SH3BGRL2: variants seen among roughly 807,000 people sequenced by gnomAD.
The protein encoded by SH3BGRL2 is SH3 domain-binding glutamic acid-rich-like protein 2.
In SH3BGRL2, 21 loss-of-function variants were observed where a neutral mutation model predicts 14.8. That is an observed-to-expected ratio of 1.42 (90% CI 1.01 to 2.05). The LOEUF is 2.05. Among genes scored for constraint, SH3BGRL2 ranks in the 30% most tolerant of loss-of-function variants. The probability of loss-of-function intolerance (pLI) is 0.00; values close to 1 mark genes in which losing one functional copy is unlikely to be tolerated. For missense variants in SH3BGRL2, 147 were observed against 130.8 expected, an observed-to-expected ratio of 1.12 and a Z score of -0.61; for synonymous variants, 50 against 47.8, an observed-to-expected ratio of 1.05 and a Z score of -0.19.
chr6:79,627,307 C>A (rs2127720329), upstream of SH3BGRL2, among the ~76,000 whole-genome samples: 1 of 152,292 alleles, frequency 6.6e-6, no homozygotes, highest in Non-Finnish European at 1.5e-5. Context: ...AAATTTCAAG[C>A]TGCAATAGGT....
intron 1 of SH3BGRL2, among the ~76,000 whole-genome samples, chr6:79,662,833 C>T (rs975687073): frequency 2.6e-5 from 4 of 152,212 alleles, no homozygotes; most frequent in East Asian, 3.9e-4. Context: ...TTCTTGGAGG[C>T]TTTGTTCATT....
chr6:79,619,169 G>T, the SH3BGRL2 span, among the ~76,000 whole-genome samples: 4 of 151,818 alleles, frequency 2.6e-5, no homozygotes, highest in East Asian at 7.8e-4. Context: ...ATTCATATCT[G>T]CTCCACCCTG....
the SH3BGRL2 span, among the ~76,000 whole-genome samples, chr6:79,617,199 G>A: frequency 3.5e-4 from 52 of 149,182 alleles, 1 homozygote; most frequent in South Asian, 8.3e-3. Flanking sequence ...ACAAAAAAAA[G>A]AAAAAAAAAA....
chr6:79,544,763 A>G, the SH3BGRL2 span, among the ~76,000 whole-genome samples: 6 of 152,194 alleles, frequency 3.9e-5, no homozygotes, highest in Non-Finnish European at 7.3e-5. Context: ...CTCAATATTT[A>G]CCATTTCCTG....
At chr6:79,541,321 G>A in the SH3BGRL2 span, among the ~76,000 whole-genome samples, 1 of 151,962 alleles carries the variant, frequency 6.6e-6, no homozygotes, top group Non-Finnish European at 1.5e-5. Context: ...TTCACTGTAT[G>A]TAAATTTTAC....
the SH3BGRL2 span, among the ~76,000 whole-genome samples, chr6:79,579,034 G>A: frequency 1.3e-5 from 2 of 152,192 alleles, no homozygotes; most frequent in African/African-American, 2.4e-5. Flanking sequence ...ATTCGATCAA[G>A]TGGAAGAAAG....
chr6:79,633,846 G>T (rs142383437), intron 1 of SH3BGRL2, among the ~76,000 whole-genome samples: 1 of 152,338 alleles, frequency 6.6e-6, no homozygotes, highest in African/African-American at 2.4e-5. Context: ...CTAAGAACCA[G>T]TGAGGATATT....
Position 79,701,241 on chromosome 6 carries a change from G to A in SH3BGRL2, c.*1732G>A, listed in dbSNP as rs557622133. On this transcript the variant is annotated 3_prime_UTR_variant, in exon 4 of 4. Coordinates refer to ENST00000369838, the MANE Select transcript of SH3BGRL2 (RefSeq NM_031469.4). ...TCAAATTCCATTTGACAAATCCCAG[G>A]GACTATCCAGGAATTTTTTTTTAAC... 5.3e-5 allele frequency: 8 copies of A among 152,166 alleles called. No homozygotes were observed. Among genetic ancestry groups the A allele is most frequent in the Admixed American group, 3.3e-4 (5 of 15,294 alleles). 9.4% of individuals were successfully genotyped at this position (152,166 alleles called of 1,614,324 possible). A position where few individuals can be genotyped will look rare whatever the true frequency, so the allele number is the denominator to read the frequency against.
At chr6:79,561,919 C>G in the SH3BGRL2 span, among the ~76,000 whole-genome samples, 1 of 152,056 alleles carries the variant, frequency 6.6e-6, no homozygotes, top group Non-Finnish European at 1.5e-5. Context: ...AGTTTTATGA[C>G]AAGTCATAGA....
chr6:79,564,747 A>G, the SH3BGRL2 span, among the ~76,000 whole-genome samples: 2 of 152,198 alleles, frequency 1.3e-5, no homozygotes, highest in Non-Finnish European at 2.9e-5. Flanking sequence ...AAAATGATAC[A>G]TTATGTATGA....
chr6:79,595,271 C>T, the SH3BGRL2 span, among the ~76,000 whole-genome samples: 3 of 150,362 alleles, frequency 2.0e-5, no homozygotes, highest in African/African-American at 7.3e-5. Flanking sequence ...GTGTGGGCAA[C>T]AAGAGAGAAA....
At chr6:79,627,071 A>C (rs373689030), upstream of SH3BGRL2, among the ~76,000 whole-genome samples, 139 of 151,504 alleles carry the variant, frequency 9.2e-4, no homozygotes, top group African/African-American at 3.2e-3. Flanking sequence ...CTACATAGTG[A>C]CTCTATTTCC....
chr6:79,538,373 CTTTGCACTG>C, the SH3BGRL2 span, among the ~76,000 whole-genome samples: 1 of 152,104 alleles, frequency 6.6e-6, no homozygotes, highest in African/African-American at 2.4e-5. Flanking sequence ...GTTTTTCCAC[CTTTGCACTG>C]TTTCAAAGCT....
At chr6:79,612,110 A>G in the SH3BGRL2 span, among the ~76,000 whole-genome samples, 231 of 152,256 alleles carry the variant, frequency 1.5e-3, 1 homozygote, top group African/African-American at 5.4e-3. Flanking sequence ...AGCCTGGCCA[A>G]CGTGGTAAAA....
chr6:79,607,513 G>A, the SH3BGRL2 span, among the ~76,000 whole-genome samples: 27 of 152,250 alleles, frequency 1.8e-4, no homozygotes, highest in Admixed American at 1.2e-3. Flanking sequence ...ATTGTTAGAT[G>A]TTCCAGCCTT....
chr6:79,556,548 T>C, the SH3BGRL2 span, among the ~76,000 whole-genome samples: 171 of 152,220 alleles, frequency 1.1e-3, 1 homozygote, highest in African/African-American at 3.7e-3. Flanking sequence ...GGAATTCTTA[T>C]ACTCTTTGGG....
the SH3BGRL2 span, among the ~76,000 whole-genome samples, chr6:79,602,402 G>T: frequency 6.6e-6 from 1 of 152,202 alleles, no homozygotes. Context: ...TCTGCTTATA[G>T]ATAAGATTCA....
At chr6:79,549,705 G>C in the SH3BGRL2 span, among the ~76,000 whole-genome samples, 1 of 152,046 alleles carries the variant, frequency 6.6e-6, no homozygotes, top group South Asian at 2.1e-4. Context: ...GAGGAAGCTG[G>C]GGAATACCTA....
the SH3BGRL2 span, among the ~76,000 whole-genome samples, chr6:79,616,298 A>G: frequency 2.0e-5 from 3 of 152,172 alleles, no homozygotes; most frequent in African/African-American, 7.2e-5. Context: ...AGAAACAGGA[A>G]CCCATTTGCA....
Sources: gnomAD v4.1 joint callset for allele counts (sites outside exome capture counted in the v4.1 genomes callset) on GRCh38, gnomAD v4.1.1 for gene constraint, MANE v1.5 for transcripts, NCBI Gene and HGNC (gene_info 2026-07-23, HGNC 2026-07-21) for gene names.